The following KIAA1217 variants were observed in gnomAD, a reference collection of about 807,000 sequenced individuals.
KIAA1217 encodes sickle tail protein homolog.
In KIAA1217, 88 loss-of-function variants were observed where a neutral mutation model predicts 163.9. The observed-to-expected ratio is 0.54, with a 90% CI of 0.45 to 0.64. The LOEUF (loss-of-function observed/expected upper bound fraction) is 0.64, where lower values mean the gene tolerates loss of function less well. KIAA1217 is among the 30% of genes least tolerant of loss of function. KIAA1217 has a pLI of 0.00. For missense variants in KIAA1217, 2,372 were observed against 2,475.0 expected (o/e 0.96, Z 0.88); for synonymous variants, 903 against 923.1 (o/e 0.98, Z 0.39).
chr10:24,087,012 T>C (rs540428591), intron 2 of KIAA1217, among the ~76,000 whole-genome samples: 1 of 152,180 alleles, frequency 6.6e-6, no homozygotes, highest in African/African-American at 2.4e-5. Flanking sequence ...CATTGTCCAG[T>C]ATGGCTCTGA....
chr10:23,879,206 G>A (rs148101273), intron 1 of KIAA1217, among the ~76,000 whole-genome samples: 65 of 151,916 alleles, frequency 4.3e-4, no homozygotes, highest in African/African-American at 1.3e-3. Flanking sequence ...TCTGTAATTG[G>A]TCTGTGATGG....
intron 6 of KIAA1217, among the ~76,000 whole-genome samples, chr10:24,488,668 A>C (rs1415435074): frequency 3.3e-5 from 5 of 152,234 alleles, no homozygotes; most frequent in Non-Finnish European, 7.3e-5. Flanking sequence ...CTTTACCACA[A>C]ATTCAGACAA....
At chr10:23,831,051 C>G (rs1838168068) in intron 1 of KIAA1217, among the ~76,000 whole-genome samples, 1 of 152,072 alleles carries the variant, frequency 6.6e-6, no homozygotes, top group Non-Finnish European at 1.5e-5. Context: ...AATTCTAGAA[C>G]TTGTCTTCTC....
chr10:23,792,981 C>T (rs929528758), intron 1 of KIAA1217, among the ~76,000 whole-genome samples: 1 of 149,758 alleles, frequency 6.7e-6, no homozygotes, highest in Admixed American at 6.7e-5. Flanking sequence ...CAGTGCCTTA[C>T]AGTTTGTCAC....
intron 2 of KIAA1217, among the ~76,000 whole-genome samples, chr10:24,360,150 G>A (rs957535405): frequency 3.5e-5 from 5 of 144,672 alleles, no homozygotes; most frequent in Non-Finnish European, 6.0e-5. Flanking sequence ...GGGTTCAAGC[G>A]ATTCTTGTGC....
At chr10:24,169,107 CA>C (rs1354245954) in intron 2 of KIAA1217, among the ~76,000 whole-genome samples, 3 of 152,240 alleles carry the variant, frequency 2.0e-5, no homozygotes, top group Non-Finnish European at 4.4e-5. Context: ...ATAACATTTT[CA>C]AAAGTCTTCA....
At chr10:23,879,510 C>T (rs1201371780) in intron 1 of KIAA1217, among the ~76,000 whole-genome samples, 2 of 151,824 alleles carry the variant, frequency 1.3e-5, no homozygotes, top group South Asian at 2.1e-4. Flanking sequence ...AATGCAGACA[C>T]GTCAAACCAA....
At chr10:23,920,578 A>G (rs1198057216) in intron 1 of KIAA1217, among the ~76,000 whole-genome samples, 2 of 152,186 alleles carry the variant, frequency 1.3e-5, no homozygotes. Context: ...GAAGACATTA[A>G]GGCTAATTCC....
intron 2 of KIAA1217, among the ~76,000 whole-genome samples, chr10:24,310,769 C>T (rs578088809): frequency 7.9e-5 from 12 of 152,196 alleles, no homozygotes; most frequent in East Asian, 3.9e-4. Flanking sequence ...GGCCGAGGCA[C>T]GTGGATCACT....
intron 1 of KIAA1217, among the ~76,000 whole-genome samples, chr10:23,991,496 T>C (rs1846216474): frequency 6.6e-6 from 1 of 152,202 alleles, no homozygotes; most frequent in African/African-American, 2.4e-5. Context: ...ATCCTGTATC[T>C]GCAAGTGTAA....
intron 2 of KIAA1217, among the ~76,000 whole-genome samples, chr10:24,323,879 G>C (rs992513680): frequency 1.3e-5 from 2 of 151,390 alleles, no homozygotes; most frequent in Admixed American, 6.6e-5. Context: ...CTTAGTACCT[G>C]AGAGTTAATG....
chr10:24,532,938 C>A (rs769840542), intron 15 of KIAA1217, 132 bp from the exon 16 acceptor site: 1 of 704,386 alleles, frequency 1.4e-6, no homozygotes, highest in Non-Finnish European at 2.2e-6. Context: ...AATAAAATAG[C>A]CTTTCAGCTA....
At chr10:24,284,249 C>G (rs890380771) in intron 2 of KIAA1217, among the ~76,000 whole-genome samples, 1 of 151,998 alleles carries the variant, frequency 6.6e-6, no homozygotes, top group Admixed American at 6.6e-5. Context: ...ATTTTAGATT[C>G]AGGGGGTACA....
chr10:24,425,996 T>C (rs1449256739), intron 3 of KIAA1217, among the ~76,000 whole-genome samples: 2 of 152,220 alleles, frequency 1.3e-5, no homozygotes, highest in African/African-American at 4.8e-5. Flanking sequence ...GAAAACGCAA[T>C]AAGAATCCTT....
intron 1 of KIAA1217, among the ~76,000 whole-genome samples, chr10:23,860,921 T>C (rs1412239803): frequency 6.6e-6 from 1 of 151,970 alleles, no homozygotes; most frequent in Non-Finnish European, 1.5e-5. Flanking sequence ...ATTTTTTTCT[T>C]TTCTTTTTTT....
chr10:24,243,098 A>AT (rs1460969113), intron 2 of KIAA1217, among the ~76,000 whole-genome samples: 3 of 152,008 alleles, frequency 2.0e-5, no homozygotes, highest in Non-Finnish European at 4.4e-5. Context: ...CCACTTGACA[A>AT]TTTTTTTATT....
At chr10:23,970,464 T>A (rs1459801888) in intron 1 of KIAA1217, among the ~76,000 whole-genome samples, 2 of 152,114 alleles carry the variant, frequency 1.3e-5, no homozygotes, top group African/African-American at 4.8e-5. Context: ...AGTAGAGCAG[T>A]GGTTACCAGG....
intron 1 of KIAA1217, among the ~76,000 whole-genome samples, chr10:23,766,020 G>A (rs1834501264): frequency 1.3e-5 from 2 of 152,198 alleles, no homozygotes; most frequent in Non-Finnish European, 2.9e-5. Context: ...GAACTTGAAG[G>A]TGATTTGCAG....
chr10:23,860,833 T>G (rs1370854746), intron 1 of KIAA1217, among the ~76,000 whole-genome samples: 1 of 152,102 alleles, frequency 6.6e-6, no homozygotes, highest in Admixed American at 6.6e-5. Flanking sequence ...TCCTGACTCT[T>G]TATTTTTCTT....
Sources: gnomAD v4.1 joint callset for allele counts (sites outside exome capture counted in the v4.1 genomes callset) on GRCh38, gnomAD v4.1.1 for gene constraint, MANE v1.5 for transcripts, NCBI Gene and HGNC (gene_info 2026-07-23, HGNC 2026-07-21) for gene names.